TRAIP: variants seen among roughly 807,000 people sequenced by gnomAD.
The protein encoded by TRAIP is E3 ubiquitin-protein ligase TRAIP.
A neutral mutation model predicts 65.0 loss-of-function variants in TRAIP; 37 were observed. That is an observed-to-expected ratio of 0.57 (90% CI 0.44 to 0.75). The LOEUF (loss-of-function observed/expected upper bound fraction) is 0.75. Among genes scored for constraint, TRAIP ranks in the 30% least tolerant of loss-of-function variants. The pLI is 0.00. For missense variants in TRAIP, 481 were observed against 579.4 expected (o/e 0.83, Z 1.74); for synonymous variants, 187 against 219.1 (o/e 0.85, Z 1.29).
At chr3:49,834,232 T>C (rs999706465) in intron 10 of TRAIP, among the ~76,000 whole-genome samples, 1 of 152,136 alleles carries the variant, frequency 6.6e-6, no homozygotes, top group African/African-American at 2.4e-5. Context: ...CTTCCTAACA[T>C]TGACTCTGTA....
chr3:49,850,473 T>C lies in TRAIP; in HGVS notation c.99-2273A>G, dbSNP rs2081920974. Among the ~76,000 whole-genome samples, 6 of 149,892 alleles carry C rather than the reference T, an allele frequency of 4.0e-5. No individual in the cohort carries two copies. The South Asian group carries it at 1.3e-3, about 32-fold the overall frequency. On this transcript the variant is annotated intron_variant, in intron 1 of 14. Transcript: ENST00000331456. Reference sequence around the variant, plus strand: ...GAGATCACGCCACTGCACTCCAGCGTGAGGGACATAGTGAGACTCTGTCTC... The same window carrying C: ...GAGATCACGCCACTGCACTCCAGCGCGAGGGACATAGTGAGACTCTGTCTC...
Position 49,842,565 on chromosome 3 carries a change from C to G in TRAIP, c.409-18G>C. On this transcript the variant is annotated intron_variant, in intron 5 of 14. Transcript: ENST00000331456. ...ATCTGCTTCTGAAGAGCAAATACAC[C>G]CATACCTGATGCTTGGAGGCCCTCA... 1 of 1,611,274 alleles carries G rather than the reference C, an allele frequency of 6.2e-7. No homozygotes were observed. The highest frequency in any genetic ancestry group is 8.5e-7 in the Non-Finnish European group (1 of 1,178,960).
At position 49,844,560 on chromosome 3, in the gene TRAIP, T is replaced by C; in HGVS notation, c.261A>G (p.Arg87=). 1 of 1,614,038 alleles carries C rather than the reference T, an allele frequency of 6.2e-7. No homozygotes were observed. The highest frequency in any genetic ancestry group is 8.5e-7 in the Non-Finnish European group (1 of 1,180,004). ...EFLKNELDNV[R]AQLSQKDKEK... The stretch of plus-strand genomic sequence containing the variant: ...ACTCACCTTTCTGGGAAAGCTGGGC[T>C]CTGACATTGTCCAGTTCATTCTGAA... Residue 87 remains arginine (R), a synonymous_variant, in exon 4 of 15, where the codon AGA becomes AGG. Coordinates refer to ENST00000331456, the MANE Select transcript of TRAIP (RefSeq NM_005879.3).
At chr3:49,847,484 C>T in intron 3 of TRAIP, 41 bp downstream of exon 3, 1 of 1,314,484 alleles carries the variant, frequency 7.6e-7, no homozygotes, top group South Asian at 1.3e-5. Context: ...TGAACTCGCA[C>T]AAGGCTTGGA....
At chr3:49,832,871 T>C (rs927550763) in intron 10 of TRAIP, among the ~76,000 whole-genome samples, 1 of 152,050 alleles carries the variant, frequency 6.6e-6, no homozygotes, top group Non-Finnish European at 1.5e-5. Flanking sequence ...CTCTCTTTCC[T>C]TCCTCAGGAA....
intron 1 of TRAIP, among the ~76,000 whole-genome samples, chr3:49,854,644 G>T (rs182309284): frequency 1.3e-5 from 2 of 152,096 alleles, no homozygotes; most frequent in Non-Finnish European, 2.9e-5. Context: ...AAACAGAATC[G>T]ACTAAAGACA....
At chr3:49,852,852 T>C (rs749943828) in intron 1 of TRAIP, among the ~76,000 whole-genome samples, 6 of 152,100 alleles carry the variant, frequency 3.9e-5, no homozygotes, top group Non-Finnish European at 7.4e-5. Flanking sequence ...CCAGGCACAA[T>C]GGCTCATGGC....
At chr3:49,845,000 T>C (rs1194024384) in intron 3 of TRAIP, among the ~76,000 whole-genome samples, 1 of 152,246 alleles carries the variant, frequency 6.6e-6, no homozygotes, top group Non-Finnish European at 1.5e-5. Flanking sequence ...CTTGGGCGAC[T>C]ACTCCTCCTC....
chr3:49,852,996 C>T (rs1403750876), intron 1 of TRAIP, among the ~76,000 whole-genome samples: 1 of 151,224 alleles, frequency 6.6e-6, no homozygotes, highest in Non-Finnish European at 1.5e-5. Flanking sequence ...ATGACACGTG[C>T]CTTTAGTCCC....
chr3:49,833,780 T>C (rs2081757507), intron 10 of TRAIP, among the ~76,000 whole-genome samples: 1 of 152,098 alleles, frequency 6.6e-6, no homozygotes, highest in Admixed American at 6.6e-5. Context: ...CGCCCGGCCT[T>C]GTCTTAGACT....
At chr3:49,847,692 C>G in intron 2 of TRAIP, 84 bp from the exon 3 acceptor site, 1 of 890,764 alleles carries the variant, frequency 1.1e-6, no homozygotes, top group Admixed American at 2.4e-5. Context: ...GTCTGACTAC[C>G]TGCCTGACAT....
At chr3:49,848,107 T>A in intron 2 of TRAIP, 36 bp downstream of exon 2, 1 of 1,610,312 alleles carries the variant, frequency 6.2e-7, no homozygotes, top group Non-Finnish European at 8.5e-7. Context: ...TAAGGAGATC[T>A]CTTCAGTTGA....
intron 1 of TRAIP, among the ~76,000 whole-genome samples, chr3:49,851,268 C>A (rs1440494778): frequency 1.3e-5 from 2 of 152,134 alleles, no homozygotes; most frequent in African/African-American, 4.8e-5. Context: ...ATCAACACGC[C>A]CAGCCATACC....
intron 1 of TRAIP, among the ~76,000 whole-genome samples, chr3:49,850,243 G>A (rs2081919496): frequency 6.6e-6 from 1 of 152,152 alleles, no homozygotes; most frequent in Non-Finnish European, 1.5e-5. Flanking sequence ...GCTCACGTCT[G>A]TAATCCCAGC....
chr3:49,841,177 T>A, intron 7 of TRAIP, 105 bp from the exon 8 acceptor site: 1 of 942,676 alleles, frequency 1.1e-6, no homozygotes, highest in East Asian at 2.4e-5. Flanking sequence ...CTCAACTCAC[T>A]CTCATTCCTA....
chr3:49,849,170 T>C (rs1305156999), intron 1 of TRAIP, among the ~76,000 whole-genome samples: 1 of 150,950 alleles, frequency 6.6e-6, no homozygotes, highest in African/African-American at 2.4e-5. Flanking sequence ...ATTAAATTTT[T>C]TGTTTTTTTG....
intron 1 of TRAIP, among the ~76,000 whole-genome samples, chr3:49,850,202 C>A (rs1408120777): frequency 6.6e-6 from 1 of 151,656 alleles, no homozygotes; most frequent in East Asian, 1.9e-4. Context: ...TCTATTTACA[C>A]AGTTTAAAAG....
At chr3:49,849,836 T>TTTTC (rs1412424004) in intron 1 of TRAIP, among the ~76,000 whole-genome samples, 1 of 147,950 alleles carries the variant, frequency 6.8e-6, no homozygotes, top group Non-Finnish European at 1.5e-5. Context: ...TTTTCTTTTC[T>TTTTC]TTTCTTTTTT....
intron 10 of TRAIP, among the ~76,000 whole-genome samples, chr3:49,838,711 C>T (rs1559447546): frequency 2.0e-5 from 3 of 151,998 alleles, no homozygotes; most frequent in Non-Finnish European, 2.9e-5. Flanking sequence ...CATGGTGAAA[C>T]CCGTCTCTGC....
Sources: gnomAD v4.1 joint callset for allele counts (sites outside exome capture counted in the v4.1 genomes callset) on GRCh38, gnomAD v4.1.1 for gene constraint, MANE v1.5 for transcripts, NCBI Gene and HGNC (gene_info 2026-07-23, HGNC 2026-07-21) for gene names.